The following SAMD8 variants were observed in gnomAD, a reference collection of about 807,000 sequenced individuals.
SAMD8 encodes the protein sterile alpha motif domain containing 8, also known as sphingomyelin synthase-related protein 1.
A neutral mutation model predicts 42.0 loss-of-function variants in SAMD8; 20 were observed. The ratio of observed to expected loss-of-function variants is 0.48; its 90% CI spans 0.34 to 0.69. The LOEUF (loss-of-function observed/expected upper bound fraction) is 0.69, where lower values mean the gene tolerates loss of function less well. SAMD8 is among the 30% of genes least tolerant of loss of function. The pLI, the probability that SAMD8 is intolerant of heterozygous loss-of-function variation, is 0.01. For missense variants in SAMD8, 328 were observed against 511.6 expected (o/e 0.64, Z 3.46); for synonymous variants, 162 against 173.0 (o/e 0.94, Z 0.50).
chr10:75,151,874 A>C (rs1840296108), intron 2 of SAMD8, among the ~76,000 whole-genome samples: 1 of 152,032 alleles, frequency 6.6e-6, no homozygotes, highest in Admixed American at 6.6e-5. Context: ...TTTTTAGTAG[A>C]GATGGGGCTT....
At chr10:75,111,600 C>CG, upstream of SAMD8, 1 of 1,250,192 alleles carries the variant, frequency 8.0e-7, no homozygotes, top group Non-Finnish European at 1.0e-6. Context: ...CTCCCCGCCC[C>CG]GGGCTCCGCC....
intron 2 of SAMD8, among the ~76,000 whole-genome samples, chr10:75,155,220 T>C (rs1319981550): frequency 2.0e-5 from 3 of 152,174 alleles, no homozygotes; most frequent in Non-Finnish European, 4.4e-5. Flanking sequence ...CCTGACCATC[T>C]GTAAAGATGG....
chr10:75,148,346 C>CTTTTTTTTTTTTGT (rs1840194097), intron 1 of SAMD8, among the ~76,000 whole-genome samples: 1 of 82,564 alleles, frequency 1.2e-5, no homozygotes, highest in African/African-American at 6.5e-5. Context: ...GCAATACCAG[C>CTTTTTTTTTTTTGT]TTTTTTTTTT....
intron 1 of SAMD8, among the ~76,000 whole-genome samples, chr10:75,133,662 A>G (rs189877281): frequency 6.6e-6 from 1 of 152,328 alleles, no homozygotes; most frequent in Non-Finnish European, 1.5e-5. Context: ...TTGCAGCAAC[A>G]TGGATGAATC....
At chr10:75,121,163 C>T (rs567918323) in intron 1 of SAMD8, among the ~76,000 whole-genome samples, 10 of 152,240 alleles carry the variant, frequency 6.6e-5, no homozygotes, top group Admixed American at 6.5e-4. Flanking sequence ...ATCTTCACAA[C>T]AAGCCTATGA....
chr10:75,163,642 C>T (rs554923967), intron 2 of SAMD8, among the ~76,000 whole-genome samples: 13 of 151,950 alleles, frequency 8.6e-5, no homozygotes, highest in African/African-American at 2.9e-4. Flanking sequence ...TGGGGTTGTT[C>T]ACCATGTTGC....
rs59709760 is a variant in SAMD8, at chr10:75,122,612, C to CA, written c.-16+10908dup. On this transcript the variant is annotated intron_variant, in intron 1 of 5. Coordinates refer to ENST00000542569, the MANE Select transcript of SAMD8 (RefSeq NM_001174156.2). ...TGAATGATAGACGGAGACTCTGTCT[C>CA]AAAAAAAAAAAAAAAAAATTCTTGG... 5.8e-3 allele frequency among the ~76,000 whole-genome samples: 671 copies of CA among 115,892 alleles called. 2 individuals are homozygous for CA. Among genetic ancestry groups the CA allele is most frequent in the African/African-American group, 0.014 (446 of 32,814 alleles). The allele number at this position is 115,892 out of a possible 152,430, so 76.0% of individuals were successfully genotyped here.
At chr10:75,160,614 A>C in intron 2 of SAMD8, among the ~76,000 whole-genome samples, 1 of 152,198 alleles carries the variant, frequency 6.6e-6, no homozygotes, top group East Asian at 1.9e-4. Context: ...CAGGTTCCTC[A>C]CAACAGTCCA....
At chr10:75,166,740 C>T (rs1396464220) in intron 3 of SAMD8, among the ~76,000 whole-genome samples, 2 of 152,200 alleles carry the variant, frequency 1.3e-5, no homozygotes, top group Non-Finnish European at 2.9e-5. Flanking sequence ...AACTTTGCCT[C>T]ACAAGATCTC....
At chr10:75,139,942 G>A (rs1266395923) in intron 1 of SAMD8, among the ~76,000 whole-genome samples, 1 of 152,094 alleles carries the variant, frequency 6.6e-6, no homozygotes, top group Admixed American at 6.6e-5. Flanking sequence ...TTTATGTTAG[G>A]TCTATGATCC....
At chr10:75,157,011 A>G (rs1840426300) in intron 2 of SAMD8, among the ~76,000 whole-genome samples, 1 of 151,882 alleles carries the variant, frequency 6.6e-6, no homozygotes, top group Non-Finnish European at 1.5e-5. Flanking sequence ...GAAGTGTCAT[A>G]ATGTCTGCAA....
At position 75,181,121 on chromosome 10, in the gene SAMD8, T is replaced by C. The variant is rs1173632104; in HGVS notation, c.*4429T>C. The C allele has an allele frequency of 6.6e-6, 1 of 152,216 alleles. No homozygotes were observed. The highest frequency in any genetic ancestry group is 1.5e-5 in the Non-Finnish European group (1 of 68,032). 9.4% of individuals were successfully genotyped at this position (152,216 alleles called of 1,614,324 possible). A position where few individuals can be genotyped will look rare whatever the true frequency, so the allele number is the denominator to read the frequency against. On this transcript the variant is annotated 3_prime_UTR_variant, in exon 6 of 6. Transcript: ENST00000542569. Reference sequence around the variant, plus strand: ...TCAGGCATTTGAGACAAGAAAGCTGTCTTGTAGAATAGTCCAATTGCTTTC... The same window carrying C: ...TCAGGCATTTGAGACAAGAAAGCTGCCTTGTAGAATAGTCCAATTGCTTTC...
upstream of SAMD8, chr10:75,111,456 ACCCCGTCCCCGGCCGGTAGGG>A: frequency 1.7e-6 from 2 of 1,193,774 alleles, no homozygotes; most frequent in Non-Finnish European, 2.1e-6. Flanking sequence ...TGCCGGTAGA[ACCCCGTCCCCGGCCGGTAGGG>A]CCCCGCCTCC....
chr10:75,175,577 C>T (rs1840973503), intron 4 of SAMD8, among the ~76,000 whole-genome samples: 1 of 151,866 alleles, frequency 6.6e-6, no homozygotes, highest in African/African-American at 2.4e-5. Context: ...GAGACAGAGT[C>T]TTACTGTGTC....
intron 1 of SAMD8, among the ~76,000 whole-genome samples, chr10:75,129,214 C>A (rs970833621): frequency 6.6e-6 from 1 of 151,692 alleles, no homozygotes; most frequent in Non-Finnish European, 1.5e-5. Flanking sequence ...TGGAAGTCCC[C>A]AGCTCAAGTG....
At chr10:75,121,439 C>T (rs1217975085) in intron 1 of SAMD8, among the ~76,000 whole-genome samples, 2 of 152,208 alleles carry the variant, frequency 1.3e-5, no homozygotes, top group Admixed American at 6.5e-5. Flanking sequence ...ACTTCCATTT[C>T]TAACCTAAGA....
chr10:75,137,547 A>G (rs1050388894), intron 1 of SAMD8, among the ~76,000 whole-genome samples: 2 of 152,132 alleles, frequency 1.3e-5, no homozygotes, highest in African/African-American at 4.8e-5. Flanking sequence ...CTCAAAAAAA[A>G]AAAAAAGAAA....
chr10:75,112,004 T>A (rs1848781820), intron 1 of SAMD8, among the ~76,000 whole-genome samples: 4 of 152,008 alleles, frequency 2.6e-5, no homozygotes, highest in Admixed American at 2.6e-4. Flanking sequence ...GCTTGGGGGC[T>A]TTTGAAAGCT....
chr10:75,152,941 T>G (rs984975599), intron 2 of SAMD8, among the ~76,000 whole-genome samples: 3 of 152,166 alleles, frequency 2.0e-5, no homozygotes, highest in Non-Finnish European at 4.4e-5. Context: ...TTTTTAAATC[T>G]TTTAAAAATT....
Sources: gnomAD v4.1 joint callset for allele counts (sites outside exome capture counted in the v4.1 genomes callset) on GRCh38, gnomAD v4.1.1 for gene constraint, MANE v1.5 for transcripts, NCBI Gene and HGNC (gene_info 2026-07-23, HGNC 2026-07-21) for gene names.